CDKL2: variants seen among roughly 807,000 people sequenced by gnomAD.
CDKL2 encodes cyclin dependent kinase like 2.
Under a neutral mutation model 63.9 loss-of-function variants are expected in CDKL2, and 64 were observed. The observed-to-expected ratio is 1.00, with a 90% confidence interval of 0.82 to 1.23. The LOEUF (loss-of-function observed/expected upper bound fraction) is 1.23, where lower values mean the gene tolerates loss of function less well. Ranked by LOEUF, CDKL2 falls within the 50% of genes most tolerant of loss-of-function variation. The pLI is 0.00. For synonymous variants in CDKL2, 211 were observed against 229.2 expected (o/e 0.92, Z 0.72); for missense variants, 656 against 668.0 (o/e 0.98, Z 0.20).
rs747544754 is a variant in CDKL2 at position 75,625,914 on chromosome 4, A to G, written c.75T>C (p.Asp25=). Residue 25 remains aspartate, a synonymous_variant, in exon 2 of 14, where the codon GAT becomes GAC. Coordinates refer to ENST00000307465, the MANE Select transcript of CDKL2 (RefSeq NM_001330724.2). Reference sequence around the variant, plus strand: ...TCTTTATGGCCACAATTCTTCCAGTATCTTTATTCCTACACTTCATCACCA... The same window carrying G: ...TCTTTATGGCCACAATTCTTCCAGTGTCTTTATTCCTACACTTCATCACCA... The part of the protein sequence containing the change: ...YGMVMKCRNK[D]TGRIVAIKKF... The G allele has an allele frequency of 1.2e-6, 2 of 1,612,822 alleles. No homozygotes were observed. Among genetic ancestry groups the G allele is most frequent in the African/African-American group, 2.7e-5 (2 of 74,996 alleles).
rs549522241 is a variant in CDKL2, at chr4:75,578,113, T to C, written c.*1089A>G. On this transcript the variant is annotated 3_prime_UTR_variant, in exon 14 of 14. Coordinates refer to ENST00000307465, the MANE Select transcript of CDKL2 (RefSeq NM_001330724.2). ...AGAACCTGTAGCCAACTTAGTTTAT[T>C]CCTCCCACCTAAAAAGTTTTGGATC... 1.3e-5 allele frequency: 2 copies of C among 152,150 alleles called. No individual in the cohort carries two copies. Among genetic ancestry groups the C allele is most frequent in the African/African-American group, 4.8e-5 (2 of 41,424 alleles). The allele number at this position is 152,150 out of a possible 1,614,324, so 9.4% of individuals were successfully genotyped here. A position where few individuals can be genotyped will look rare whatever the true frequency, so the allele number is the denominator to read the frequency against.
chr4:75,596,011 A>C, intron 10 of CDKL2: 1 of 90,646 alleles, frequency 1.1e-5, no homozygotes, highest in East Asian at 1.0e-4. Context: ...GAAGGAAGGA[A>C]GGAAGGAAGG....
Position 75,604,414 on chromosome 4 carries a change from A to G in CDKL2, c.656-458T>C, listed in dbSNP as rs2148887376. On this transcript the variant is annotated intron_variant, in intron 5 of 13. Coordinates refer to ENST00000307465, the MANE Select transcript of CDKL2 (RefSeq NM_001330724.2). ...AATGTAGAATATATCTGAAAATTCC[A>G]CTGTAAGAAACTATTGTACTGCTTA... is the stretch of plus-strand genomic sequence containing the variant. Among the ~76,000 whole-genome samples, 2 of 152,344 alleles carry G rather than the reference A, an allele frequency of 1.3e-5. 1 individual carries two copies. The highest frequency in any genetic ancestry group is 4.1e-4 in the South Asian group (2 of 4,828).
rs1288185836 is a variant in CDKL2 at position 75,588,156 on chromosome 4, G to A, written c.1647+3663C>T. On this transcript the variant is annotated intron_variant, in intron 12 of 13. Coordinates refer to ENST00000307465, the MANE Select transcript of CDKL2 (RefSeq NM_001330724.2). Reference sequence around the variant, plus strand: ...TTGAACCCAGGAGGCGGAGGTTGCCGTGAGCCGAGATCGCACCATTGCACT... The same window carrying A: ...TTGAACCCAGGAGGCGGAGGTTGCCATGAGCCGAGATCGCACCATTGCACT... Among the ~76,000 whole-genome samples the A allele has an allele frequency of 2.4e-4, 37 of 151,108 alleles. 1 individual carries two copies. The highest frequency in any genetic ancestry group is 1.9e-3 in the South Asian group (9 of 4,776).
intron 10 of CDKL2, among the ~76,000 whole-genome samples, chr4:75,593,570 C>T (rs1206893999): frequency 6.6e-6 from 1 of 152,070 alleles, no homozygotes; most frequent in East Asian, 1.9e-4. Flanking sequence ...AAATTATCAG[C>T]CAGCATTGAT....
In CDKL2 at chr4:75,598,174, G is replaced by C; in HGVS notation, c.923C>G (p.Ala308Gly). The C allele has an allele frequency of 6.6e-7, 1 of 1,522,654 alleles. No homozygotes were observed. The highest frequency in any genetic ancestry group is 9.0e-7 in the Non-Finnish European group (1 of 1,112,764). The allele number at this position is 1,522,654 out of a possible 1,614,324, so 94.3% of individuals were successfully genotyped here. Reference sequence around the variant, plus strand: ...TTTTTTAGATAAAGAAACATTTCTGGCATCTTTCTGTACTTTTAACTGTAG... The same window carrying C: ...TTTTTTAGATAAAGAAACATTTCTGCCATCTTTCTGTACTTTTAACTGTAG... ...QELQLKVQKD[A>G]RNVSLSKKSQ... is the part of the protein sequence containing the mutation. Residue 308 changes from alanine (A) to glycine (G), a missense_variant, in exon 8 of 14, where the codon GCC becomes GGC. Coordinates refer to ENST00000307465, the MANE Select transcript of CDKL2 (RefSeq NM_001330724.2).
intron 7 of CDKL2, among the ~76,000 whole-genome samples, chr4:75,600,071 C>T (rs1054347210): frequency 6.6e-6 from 1 of 152,196 alleles, no homozygotes; most frequent in Non-Finnish European, 1.5e-5. Flanking sequence ...ATGACCGCTT[C>T]ATGAAAACCA....
chr4:75,622,559 A>C (rs1730195238), intron 2 of CDKL2, among the ~76,000 whole-genome samples: 1 of 151,794 alleles, frequency 6.6e-6, no homozygotes. Context: ...TCTCTACTAA[A>C]ATACAAAAAT....
intron 12 of CDKL2, among the ~76,000 whole-genome samples, chr4:75,585,933 A>T (rs1728459490): frequency 6.6e-6 from 1 of 152,216 alleles, no homozygotes; most frequent in Non-Finnish European, 1.5e-5. Flanking sequence ...CCTTGATCTA[A>T]TTTCACATTT....
chr4:75,610,293 A>G (rs1484768676), intron 3 of CDKL2, among the ~76,000 whole-genome samples: 1 of 152,132 alleles, frequency 6.6e-6, no homozygotes, highest in Non-Finnish European at 1.5e-5. Flanking sequence ...AGCCATAGAC[A>G]ACTCAATCTT....
rs188708868 is a variant in CDKL2, at chr4:75,621,843, C to T, written c.168+3978G>A. Among the ~76,000 whole-genome samples, 153 of 152,198 alleles carry T rather than the reference C, an allele frequency of 1.0e-3. 1 individual carries two copies. The highest frequency in any genetic ancestry group is 3.6e-3 in the African/African-American group (149 of 41,526). ...TAAGGAAATTGACCCCAGATGGAAA[C>T]TCAGAAATGTAGGGAAAATTAAAGA... On this transcript the variant is annotated intron_variant, in intron 2 of 13. Coordinates refer to ENST00000307465, the MANE Select transcript of CDKL2 (RefSeq NM_001330724.2).
intron 2 of CDKL2, among the ~76,000 whole-genome samples, chr4:75,615,989 G>A (rs925514585): frequency 2.0e-5 from 3 of 152,116 alleles, no homozygotes; most frequent in African/African-American, 7.2e-5. Context: ...AACAGAGCAA[G>A]ACCTTATCTT....
chr4:75,605,465 CACAA>C, intron 5 of CDKL2, 53 bp downstream of exon 5: 1 of 1,008,176 alleles, frequency 9.9e-7, no homozygotes, highest in Non-Finnish European at 1.5e-6. Flanking sequence ...AACACACAGG[CACAA>C]ACAAATATGC....
chr4:75,600,723 T>C (rs1004042134), intron 6 of CDKL2, among the ~76,000 whole-genome samples: 2 of 152,186 alleles, frequency 1.3e-5, no homozygotes, highest in Non-Finnish European at 2.9e-5. Context: ...CTTCCCAAAA[T>C]GCTGGGATTA....
rs1031443229 is a variant in CDKL2, at chr4:75,614,594, T to C, written c.169-145A>G. On this transcript the variant is annotated intron_variant, in intron 2 of 13. Coordinates refer to ENST00000307465, the MANE Select transcript of CDKL2 (RefSeq NM_001330724.2). The stretch of plus-strand genomic sequence containing the variant: ...AAATAAAATGCATACATAGTGTAAA[T>C]TGTAAAAGCATATTCTGGTTTTTAA... 1.1e-5 allele frequency: 6 copies of C among 549,342 alleles called. No individual in the cohort carries two copies. The South Asian group carries it at 1.3e-4, about 12-fold the overall frequency. 34.0% of individuals were successfully genotyped at this position (549,342 alleles called of 1,614,324 possible).
At chr4:75,626,631 CACT>C (rs1213421194) in intron 1 of CDKL2, among the ~76,000 whole-genome samples, 1 of 134,558 alleles carries the variant, frequency 7.4e-6, no homozygotes, top group African/African-American at 2.7e-5. Context: ...CACACCACTG[CACT>C]CCAGCCTGGG....
intron 5 of CDKL2, among the ~76,000 whole-genome samples, chr4:75,604,630 A>T (rs1729344032): frequency 6.6e-6 from 1 of 152,242 alleles, no homozygotes; most frequent in Non-Finnish European, 1.5e-5. Context: ...TGCCAAGATT[A>T]AATCAACCTT....
chr4:75,598,009 A>G (rs997414477), intron 8 of CDKL2, 68 bp downstream of exon 8: 5 of 1,117,558 alleles, frequency 4.5e-6, no homozygotes, highest in Non-Finnish European at 6.1e-6. Context: ...TTTCAAAATC[A>G]TATTTTTTCT....
intron 10 of CDKL2, among the ~76,000 whole-genome samples, chr4:75,593,506 C>T (rs1013322213): frequency 6.6e-6 from 1 of 151,968 alleles, no homozygotes; most frequent in African/African-American, 2.4e-5. Context: ...CTCTTGATTA[C>T]CTCTTCCAAA....
Sources: allele counts gnomAD v4.1 joint callset (sites outside exome capture counted in the v4.1 genomes callset), GRCh38; gene constraint gnomAD v4.1.1; transcripts MANE v1.5; gene names NCBI Gene and HGNC (gene_info 2026-07-23, HGNC 2026-07-21).